Variants in QKI observed in about 807,000 individuals in gnomAD.
The protein encoded by QKI is QKI, KH domain containing RNA binding.
A neutral mutation model predicts 39.0 loss-of-function variants in QKI; 10 were observed. The ratio of observed to expected loss-of-function variants is 0.26; its 90% confidence interval spans 0.16 to 0.43. The LOEUF is 0.43. Ranked by LOEUF, QKI falls within the 20% of genes least tolerant of loss-of-function variation. QKI has a pLI of 1.00. For synonymous variants in QKI, 204 were observed against 155.4 expected (o/e 1.31, Z -2.33); for missense variants, 218 against 428.0 (o/e 0.51, Z 4.33).
intron 1 of QKI, among the ~76,000 whole-genome samples, chr6:163,428,635 C>T (rs1788590549): frequency 1.3e-5 from 2 of 152,070 alleles, no homozygotes; most frequent in East Asian, 1.9e-4. Flanking sequence ...ATTGCTTTAA[C>T]ATATGCTTTG....
At chr6:163,429,320 G>T (rs1385753041) in intron 1 of QKI, among the ~76,000 whole-genome samples, 1 of 152,060 alleles carries the variant, frequency 6.6e-6, no homozygotes, top group Admixed American at 6.6e-5. Flanking sequence ...TGCACTGATA[G>T]CTGCTCTTAA....
chr6:163,498,340 G>A (rs1462587625), intron 3 of QKI, among the ~76,000 whole-genome samples: 1 of 152,148 alleles, frequency 6.6e-6, no homozygotes, highest in Non-Finnish European at 1.5e-5. Flanking sequence ...TTTAGGCAGA[G>A]CAACTTTATA....
In QKI at chr6:163,533,162, T is replaced by C. The variant is rs940505011; in HGVS notation, c.403-1820T>C. On this transcript the variant is annotated intron_variant, in intron 3 of 7. Transcript: ENST00000361752. Reference sequence around the variant, plus strand: ...CAAAAAAAAAAAGATAAATAAAAAATACAAATTTTGGTGAGAAAATACTGT... The same window carrying C: ...CAAAAAAAAAAAGATAAATAAAAAACACAAATTTTGGTGAGAAAATACTGT... Among the ~76,000 whole-genome samples the C allele has an allele frequency of 3.9e-5, 6 of 152,004 alleles. 1 individual carries two copies. The highest frequency in any genetic ancestry group is 2.0e-4 in the Admixed American group (3 of 15,274).
chr6:163,523,954 G>A (rs1214732746), intron 3 of QKI, among the ~76,000 whole-genome samples: 1 of 152,252 alleles, frequency 6.6e-6, no homozygotes, highest in Non-Finnish European at 1.5e-5. Context: ...GGCTTAGGGA[G>A]AATGAATTTG....
chr6:163,576,509 T>G lies in QKI; in HGVS notation c.*5799T>G, dbSNP rs1783981638. 1 of 152,102 alleles carries G rather than the reference T, an allele frequency of 6.6e-6. No homozygotes were observed. The highest frequency in any genetic ancestry group is 1.5e-5 in the Non-Finnish European group (1 of 68,028). 9.4% of individuals were successfully genotyped at this position (152,102 alleles called of 1,614,324 possible). The stretch of plus-strand genomic sequence containing the variant: ...GTGCTATTAAGTTTTTATTACCAAA[T>G]ATATCTTTTATGGTTTATATTGTAG... On this transcript the variant is annotated 3_prime_UTR_variant, in exon 8 of 8. Transcript: ENST00000361752.
chr6:163,465,631 A>G (rs1284998558), intron 2 of QKI, among the ~76,000 whole-genome samples: 2 of 151,420 alleles, frequency 1.3e-5, no homozygotes, highest in African/African-American at 4.8e-5. Context: ...TGTCTCAAAA[A>G]AAAAAAAAAA....
At chr6:163,517,649 C>T (rs1419290423) in intron 3 of QKI, among the ~76,000 whole-genome samples, 1 of 152,052 alleles carries the variant, frequency 6.6e-6, no homozygotes, top group African/African-American at 2.4e-5. Context: ...CACTGTTTTC[C>T]ATTTATAGTC....
intron 3 of QKI, among the ~76,000 whole-genome samples, chr6:163,518,584 A>G (rs1779969362): frequency 6.6e-6 from 1 of 152,186 alleles, no homozygotes; most frequent in South Asian, 2.1e-4. Flanking sequence ...GGAAGAGAGT[A>G]TTTTGTACCT....
intron 1 of QKI, chr6:163,429,136 AT>A (rs1562423527): frequency 6.6e-6 from 1 of 152,186 alleles, no homozygotes; most frequent in Non-Finnish European, 1.5e-5. Flanking sequence ...GCAATGGCCA[AT>A]TTTGTCTATA....
intron 3 of QKI, among the ~76,000 whole-genome samples, chr6:163,484,401 G>A (rs1345445957): frequency 6.6e-6 from 1 of 151,970 alleles, no homozygotes; most frequent in Non-Finnish European, 1.5e-5. Context: ...CGGTTTTGCC[G>A]TGTTGGCCAG....
In QKI at chr6:163,455,950, A is replaced by G. The variant is rs76744066; in HGVS notation, c.285+529A>G. Among the ~76,000 whole-genome samples, 478 of 152,248 alleles carry G rather than the reference A, an allele frequency of 3.1e-3. 3 individuals are homozygous for G. Among genetic ancestry groups the G allele is most frequent in the African/African-American group, 0.011 (453 of 41,576 alleles). The stretch of plus-strand genomic sequence containing the variant: ...TCTGTTAATTTCTAAATAAATCCAG[A>G]TTCTTTGCTTTTTGTTACAAAGCCC... On this transcript the variant is annotated intron_variant, in intron 2 of 7. Transcript: ENST00000361752.
intron 4 of QKI, among the ~76,000 whole-genome samples, chr6:163,543,776 T>A (rs1454935169): frequency 6.6e-6 from 1 of 152,012 alleles, no homozygotes; most frequent in Non-Finnish European, 1.5e-5. Flanking sequence ...GGCTTGTTTT[T>A]TCACTAAGTA....
chr6:163,452,771 G>T (rs906781971), intron 1 of QKI, among the ~76,000 whole-genome samples: 2 of 151,678 alleles, frequency 1.3e-5, no homozygotes, highest in Non-Finnish European at 1.5e-5. Flanking sequence ...CTTGTTGCCC[G>T]GGCTGGAGTG....
chr6:163,570,225 TCA>T, intron 7 of QKI: 2 of 982,432 alleles, frequency 2.0e-6, no homozygotes, highest in Non-Finnish European at 1.2e-6. Flanking sequence ...CTGTTAATCA[TCA>T]GTTATTAATA....
Position 163,535,133 on chromosome 6 carries a change from A to G in QKI, c.546+8A>G, listed in dbSNP as rs78561796. The G allele has an allele frequency of 4.6e-4, 728 of 1,576,710 alleles. 2 individuals are homozygous for G. The African/African-American group carries it at 7.8e-3, about 17-fold the overall frequency. On this transcript the variant is annotated splice_region_variant and intron_variant, in intron 4 of 7. Coordinates refer to ENST00000361752, the MANE Select transcript of QKI (RefSeq NM_006775.3). Reference sequence around the variant, plus strand: ...AAATTATTGGTACCTGCAGTAAGTAATAATTTCCAGACCTTAGATTTGGGC... The same window carrying G: ...AAATTATTGGTACCTGCAGTAAGTAGTAATTTCCAGACCTTAGATTTGGGC...
intron 1 of QKI, among the ~76,000 whole-genome samples, chr6:163,430,899 CT>C (rs1397110838): frequency 6.6e-6 from 1 of 152,118 alleles, no homozygotes; most frequent in Admixed American, 6.5e-5. Flanking sequence ...CTGCATACTC[CT>C]TTTGTGAATT....
At chr6:163,440,151 TCTC>T (rs1789658647) in intron 1 of QKI, among the ~76,000 whole-genome samples, 1 of 152,232 alleles carries the variant, frequency 6.6e-6, no homozygotes, top group Non-Finnish European at 1.5e-5. Context: ...TTTTCCTTCT[TCTC>T]TATCTAGCTC....
At chr6:163,522,193 A>G (rs9458849) in intron 3 of QKI, among the ~76,000 whole-genome samples, 12,133 of 152,238 alleles carry the variant, frequency 0.08, 555 homozygotes, top group Middle Eastern at 0.12. Flanking sequence ...CAACCCTCAT[A>G]TGTGCTTTTA....
At chr6:163,556,792 C>G (rs1782656425) in intron 4 of QKI, among the ~76,000 whole-genome samples, 1 of 152,130 alleles carries the variant, frequency 6.6e-6, no homozygotes, top group Admixed American at 6.6e-5. Context: ...CTGAAAAACT[C>G]TGAAATTCTC....
Sources: allele counts gnomAD v4.1 joint callset (sites outside exome capture counted in the v4.1 genomes callset), GRCh38; gene constraint gnomAD v4.1.1; transcripts MANE v1.5; gene names NCBI Gene and HGNC (gene_info 2026-07-23, HGNC 2026-07-21).